Variants in ZDHHC14 observed in about 807,000 individuals in gnomAD.
The protein encoded by ZDHHC14 is zDHHC palmitoyltransferase 14.
Under a neutral mutation model 47.7 loss-of-function variants are expected in ZDHHC14, and 16 were observed. The ratio of observed to expected loss-of-function variants is 0.34; its 90% CI spans 0.23 to 0.51. The LOEUF is 0.51. ZDHHC14 is among the 20% of genes least tolerant of loss of function. ZDHHC14 has a pLI of 0.97. For synonymous variants in ZDHHC14, 293 were observed against 278.9 expected (o/e 1.05, Z -0.50); for missense variants, 515 against 662.5 (o/e 0.78, Z 2.44).
At chr6:157,543,675 A>T (rs1032409398) in intron 2 of ZDHHC14, among the ~76,000 whole-genome samples, 7 of 152,228 alleles carry the variant, frequency 4.6e-5, no homozygotes, top group African/African-American at 1.4e-4. Flanking sequence ...ACTAAAGCAC[A>T]GCTTTGTCCT....
At chr6:157,594,486 G>T (rs747571946) in intron 3 of ZDHHC14, among the ~76,000 whole-genome samples, 1 of 152,172 alleles carries the variant, frequency 6.6e-6, no homozygotes, top group Non-Finnish European at 1.5e-5. Context: ...TCATCTCTGC[G>T]GTGGGGTTGA....
At chr6:157,399,438 G>T (rs187554169) in intron 1 of ZDHHC14, among the ~76,000 whole-genome samples, 1 of 152,210 alleles carries the variant, frequency 6.6e-6, no homozygotes, top group Non-Finnish European at 1.5e-5. Flanking sequence ...ATCTGTAGTT[G>T]TGTATATATG....
intron 2 of ZDHHC14, among the ~76,000 whole-genome samples, chr6:157,584,321 C>T (rs1271063273): frequency 6.6e-6 from 1 of 151,498 alleles, no homozygotes; most frequent in East Asian, 1.9e-4. Context: ...GCTGGAGGTG[C>T]CAGCATAGTG....
chr6:157,531,280 A>G (rs960702491), intron 1 of ZDHHC14, among the ~76,000 whole-genome samples: 2 of 53,780 alleles, frequency 3.7e-5, no homozygotes, highest in Non-Finnish European at 7.0e-5. Flanking sequence ...TAAACAGCCT[A>G]CAACGCCCCT....
chr6:157,596,846 A>G (rs760275888), intron 3 of ZDHHC14, among the ~76,000 whole-genome samples: 1 of 152,240 alleles, frequency 6.6e-6, no homozygotes, highest in Admixed American at 6.5e-5. Flanking sequence ...TGGTCTCATC[A>G]GTGATGGGAA....
chr6:157,652,743 C>T (rs1379684913), intron 7 of ZDHHC14, among the ~76,000 whole-genome samples: 1 of 152,208 alleles, frequency 6.6e-6, no homozygotes, highest in African/African-American at 2.4e-5. Context: ...GACGGCCTGC[C>T]GGTCCTTGCC....
chr6:157,597,183 C>T (rs928141350), intron 3 of ZDHHC14, among the ~76,000 whole-genome samples: 1 of 152,176 alleles, frequency 6.6e-6, no homozygotes, highest in Non-Finnish European at 1.5e-5. Context: ...ACAGCTGGGG[C>T]CAGGGAGCCA....
intron 1 of ZDHHC14, among the ~76,000 whole-genome samples, chr6:157,422,853 C>T (rs1778139240): frequency 6.6e-6 from 1 of 152,178 alleles, no homozygotes; most frequent in South Asian, 2.1e-4. Context: ...AACAGAGTGG[C>T]TCTTCCCACA....
chr6:157,666,853 T>C (rs1778575401), intron 8 of ZDHHC14, among the ~76,000 whole-genome samples: 1 of 152,256 alleles, frequency 6.6e-6, no homozygotes, highest in African/African-American at 2.4e-5. Flanking sequence ...TGCTAATGTG[T>C]ATGACTTCCA....
chr6:157,490,525 G>T lies in ZDHHC14; in HGVS notation c.246-52060G>T, dbSNP rs140658421. Among the ~76,000 whole-genome samples, 4 of 152,318 alleles carry T rather than the reference G, an allele frequency of 2.6e-5. No individual in the cohort carries two copies. In the East Asian group the frequency reaches 7.7e-4, roughly 29 times the overall value. ...ACTAATTATCACTTGTAATTATCTA[G>T]AAAATTCTTAAGGCAACCTATAATT... On this transcript the variant is annotated intron_variant, in intron 1 of 8. Transcript: ENST00000359775.
chr6:157,641,204 T>A (rs1236230605), intron 5 of ZDHHC14, among the ~76,000 whole-genome samples: 2 of 152,184 alleles, frequency 1.3e-5, no homozygotes, highest in Non-Finnish European at 2.9e-5. Flanking sequence ...AGTAGTGAAT[T>A]TTCTTCTGTG....
intron 1 of ZDHHC14, among the ~76,000 whole-genome samples, chr6:157,432,067 C>G (rs1385650219): frequency 6.6e-6 from 1 of 152,052 alleles, no homozygotes; most frequent in African/African-American, 2.4e-5. Flanking sequence ...TCATTTTTTA[C>G]TCTTGGACCT....
intron 8 of ZDHHC14, among the ~76,000 whole-genome samples, chr6:157,655,776 T>C (rs1778058598): frequency 1.3e-5 from 2 of 152,110 alleles, no homozygotes; most frequent in African/African-American, 2.4e-5. Flanking sequence ...TTCAGTAGAA[T>C]TGACCACCGA....
chr6:157,512,035 C>A (rs1780509362), intron 1 of ZDHHC14, among the ~76,000 whole-genome samples: 1 of 152,184 alleles, frequency 6.6e-6, no homozygotes, highest in East Asian at 1.9e-4. Context: ...TGAAGAAGGT[C>A]ATAAAGAGCC....
chr6:157,650,422 TGAG>T (rs1327391042), intron 7 of ZDHHC14, among the ~76,000 whole-genome samples: 11 of 151,222 alleles, frequency 7.3e-5, no homozygotes, highest in African/African-American at 2.7e-4. Context: ...CGAGTCCAGG[TGAG>T]GAGGAGAAGG....
At chr6:157,614,919 C>T (rs543492444) in intron 3 of ZDHHC14, among the ~76,000 whole-genome samples, 15 of 152,048 alleles carry the variant, frequency 9.9e-5, no homozygotes, top group African/African-American at 3.1e-4. Context: ...TACAGGTGCC[C>T]GCCACCACAC....
chr6:157,554,213 A>G (rs1190040739), intron 2 of ZDHHC14, among the ~76,000 whole-genome samples: 1 of 152,184 alleles, frequency 6.6e-6, no homozygotes, highest in Non-Finnish European at 1.5e-5. Context: ...CCTGGAGTGA[A>G]TGAGGGAGTG....
At chr6:157,658,122 C>T (rs752944070) in intron 8 of ZDHHC14, among the ~76,000 whole-genome samples, 36 of 152,038 alleles carry the variant, frequency 2.4e-4, no homozygotes, top group Non-Finnish European at 4.6e-4. Context: ...GCAAGATGAG[C>T]GAGCTCAACT....
chr6:157,541,336 G>A (rs562346017), intron 1 of ZDHHC14, among the ~76,000 whole-genome samples: 4 of 152,120 alleles, frequency 2.6e-5, no homozygotes, highest in African/African-American at 7.2e-5. Flanking sequence ...AGGGGATCAC[G>A]GCTTGTGGCT....
Sources: gnomAD v4.1 joint callset for allele counts (sites outside exome capture counted in the v4.1 genomes callset) on GRCh38, gnomAD v4.1.1 for gene constraint, MANE v1.5 for transcripts, NCBI Gene and HGNC (gene_info 2026-07-23, HGNC 2026-07-21) for gene names.